SLC6A8: variants seen among roughly 807,000 people sequenced by gnomAD.
SLC6A8 encodes the protein sodium- and chloride-dependent creatine transporter 1.
Under a neutral mutation model 48.3 loss-of-function variants are expected in SLC6A8, and 6 were observed. The observed-to-expected ratio is 0.12, with a 90% CI of 0.07 to 0.25. SLC6A8 has a LOEUF of 0.25. Ranked by LOEUF, SLC6A8 falls within the 10% of genes least tolerant of loss-of-function variation. The pLI is 1.00. For missense variants in SLC6A8, 260 were observed against 551.5 expected, an observed-to-expected ratio of 0.47 and a Z score of 5.29; for synonymous variants, 245 against 244.0, an observed-to-expected ratio of 1.00 and a Z score of -0.04.
intron 2 of SLC6A8, 171 bp from the exon 3 acceptor site, chrX:153,691,133 C>G: frequency 1.9e-6 from 1 of 531,941 alleles, no homozygotes; most frequent in Non-Finnish European, 3.2e-6. Flanking sequence ...GGGGAGTCAG[C>G]GCAGTGTTGG....
In SLC6A8 at chrX:153,694,895, G is replaced by C; in HGVS notation, c.1767+6G>C. 1 of 1,166,172 alleles carries C rather than the reference G, an allele frequency of 8.6e-7. No individual in the cohort carries two copies. The highest frequency in any genetic ancestry group is 1.9e-5 in the South Asian group (1 of 53,265). On this transcript the variant is annotated splice_donor_region_variant and intron_variant, in intron 12 of 12. Coordinates refer to ENST00000253122, the MANE Select transcript of SLC6A8 (RefSeq NM_005629.4). ...CCAAGGGCACCATGGCTGAGGTAAGGCTCCCGCCCGGCCCGCCCTCCCCTC... is the reference window on the plus strand; with the variant it reads ...CCAAGGGCACCATGGCTGAGGTAAGCCTCCCGCCCGGCCCGCCCTCCCCTC...
rs1463935788 is a variant in SLC6A8, at chrX:153,688,719, G to A, written c.145G>A (p.Val49Met). Residue 49 changes from valine to methionine, a missense_variant, in exon 1 of 13, where the codon GTG becomes ATG. Physicochemically the swap from Val to Met is conservative, Grantham distance 21. Transcript: ENST00000253122. ...GLGTPGGRLA[V>M]PPRETWTRQM... ...GGGGACACCCGGCGGCCGCCTGGCC[G>A]TGCCGCCGCGCGAGACCTGGACGCG... 1.8e-6 allele frequency: 2 copies of A among 1,129,586 alleles called. No individual in the cohort carries two copies. The highest frequency in any genetic ancestry group is 2.6e-5 in the Admixed American group (1 of 38,526). 93.1% of individuals were successfully genotyped at this position (1,129,586 alleles called of 1,213,427 possible).
chrX:153,691,735 G>A (rs1230288744), intron 3 of SLC6A8, among the ~76,000 whole-genome samples, 182 bp downstream of exon 3: 1 of 112,984 alleles, frequency 8.9e-6, no homozygotes, highest in Non-Finnish European at 1.9e-5. Context: ...GGGTTCGGCA[G>A]CCGATCACTG....
chrX:153,692,969 A>T (rs1557044905), intron 4 of SLC6A8, 72 bp from the exon 5 acceptor site: 4 of 1,164,673 alleles, frequency 3.4e-6, no homozygotes, highest in Non-Finnish European at 4.7e-6. Context: ...CGCAAGGGGG[A>T]CCGGAGGCGC....
intron 1 of SLC6A8, 164 bp downstream of exon 1, chrX:153,689,000 C>T (rs1245551967): frequency 5.9e-5 from 9 of 152,451 alleles, no homozygotes; most frequent in Non-Finnish European, 9.8e-5. Flanking sequence ...GTGGCCGGGC[C>T]GGGCGCCTCC....
At chrX:153,693,747 G>A (rs1557045199) in intron 7 of SLC6A8, among the ~76,000 whole-genome samples, 158 bp from the exon 8 acceptor site, 1 of 113,364 alleles carries the variant, frequency 8.8e-6, no homozygotes, top group East Asian at 2.8e-4. Context: ...TGTCAATGTT[G>A]ACAGAGAAAG....
rs1394306160 is a variant in SLC6A8, at chrX:153,693,927, C to A, written c.1164C>A (p.Ala388=). ...AESGPGLAFI[A]YPRAVTLMPV... ...CAGGGCCGGGCCTGGCCTTCATCGC[C>A]TACCCGCGGGCTGTCACGCTGATGC... The change falls in exon 8 of 13, where the codon GCC becomes GCA. Residue 388 remains alanine, a synonymous_variant. Transcript: ENST00000253122. 1.0e-5 allele frequency: 12 copies of A among 1,167,112 alleles called. No individual in the cohort carries two copies. The highest frequency in any genetic ancestry group is 1.1e-5 in the Non-Finnish European group (10 of 872,884).
At position 153,688,231 on chromosome X, in the gene SLC6A8, G is replaced by C. The variant is rs2091432530; in HGVS notation, c.-344G>C. 1.0e-5 allele frequency: 1 copy of C among 99,639 alleles called. No individual in the cohort carries two copies. Among genetic ancestry groups the C allele is most frequent in the South Asian group, 3.5e-4 (1 of 2,819 alleles). The allele number at this position is 99,639 out of a possible 1,213,427, so 8.2% of individuals were successfully genotyped here. On this transcript the variant is annotated 5_prime_UTR_variant, in exon 1 of 13. Transcript: ENST00000253122. The stretch of plus-strand genomic sequence containing the variant: ...GCCTCGGGTCGGGCGAGGAGCCGCC[G>C]CAGCCGCCGCCGCCCGAGCCGCGGG...
chrX:153,691,283 G>T (rs1557044400), intron 2 of SLC6A8, 21 bp from the exon 3 acceptor site: 5 of 1,178,946 alleles, frequency 4.2e-6, no homozygotes, highest in Non-Finnish European at 5.7e-6. Context: ...AATCTACATG[G>T]CAAGGACTTC....
Position 153,693,032 on chromosome X carries a change from G to A in SLC6A8, c.778-9G>A. The A allele has an allele frequency of 8.3e-7, 1 of 1,210,514 alleles. No homozygotes were observed. Among genetic ancestry groups the A allele is most frequent in the Non-Finnish European group, 1.1e-6 (1 of 895,052 alleles). On this transcript the variant is annotated splice_polypyrimidine_tract_variant and intron_variant, in intron 4 of 12. Transcript: ENST00000253122. ...GCCACAGCCTCCGCTGAGCAGCCTG[G>A]CCCCCCAGATCGTGTACTTCACTGC...
Position 153,691,502 on chromosome X carries a change from T to G in SLC6A8, c.593T>G (p.Leu198Arg). The G allele has an allele frequency of 1.7e-6, 2 of 1,211,699 alleles. No individual in the cohort carries two copies. Among genetic ancestry groups the G allele is most frequent in the Non-Finnish European group, 2.2e-6 (2 of 895,245 alleles). Residue 198 changes from leucine (L) to arginine (R), a missense_variant, in exon 3 of 13, where the codon CTC becomes CGC. Transcript: ENST00000253122. The stretch of plus-strand genomic sequence containing the variant: ...TGTGCCAATGCCAGCCTGGCCAACC[T>G]CACCTGTGACCAGCTTGCTGACCGC... ...EDCANASLAN[L>R]TCDQLADRRS...
At chrX:153,694,974 C>G (rs2091481289) in intron 12 of SLC6A8, 85 bp downstream of exon 12, 2 of 1,133,698 alleles carry the variant, frequency 1.8e-6, no homozygotes, top group South Asian at 1.9e-5. Flanking sequence ...GTGGCCCCGA[C>G]TAGGGTGGCA....
In SLC6A8 at chrX:153,696,148, G is replaced by C. The variant is rs2091490606; in HGVS notation, c.*934G>C. Reference sequence around the variant, plus strand: ...GTCTGTTGTGTGGATGTGCGTGTGTGGTCCCCAGCCCCAGACTGGATTGGA... The same window carrying C: ...GTCTGTTGTGTGGATGTGCGTGTGTCGTCCCCAGCCCCAGACTGGATTGGA... On this transcript the variant is annotated 3_prime_UTR_variant, in exon 13 of 13. Coordinates refer to ENST00000253122, the MANE Select transcript of SLC6A8 (RefSeq NM_005629.4). The C allele has an allele frequency of 4.2e-6, 1 of 236,515 alleles. No homozygotes were observed. The highest frequency in any genetic ancestry group is 5.7e-5 in the Admixed American group (1 of 17,587). 19.5% of individuals were successfully genotyped at this position (236,515 alleles called of 1,213,427 possible). A position where few individuals can be genotyped will look rare whatever the true frequency, so the allele number is the denominator to read the frequency against.
In SLC6A8 at chrX:153,688,666, C is replaced by A. The variant is rs868950793; in HGVS notation, c.92C>A (p.Pro31Gln). The change falls in exon 1 of 13, where the codon CCG becomes CAG. Residue 31 changes from proline (P) to glutamine (Q), a missense_variant. Physicochemically the swap from Pro to Gln is moderately conservative, Grantham distance 76. Transcript: ENST00000253122. The stretch of plus-strand genomic sequence containing the variant: ...ATCGCGCCCGGGCCCGACGGGGCCC[C>A]GGCCAAGGGCGACGGCCCCGTGGGC... ...PLIAPGPDGAPAKGDGPVGLG... is the reference protein window; with the variant it reads ...PLIAPGPDGAQAKGDGPVGLG... 9.3e-7 allele frequency: 1 copy of A among 1,079,901 alleles called. No homozygotes were observed. Among genetic ancestry groups the A allele is most frequent in the Non-Finnish European group, 1.2e-6 (1 of 828,270 alleles). 89.0% of individuals were successfully genotyped at this position (1,079,901 alleles called of 1,213,427 possible). A position where few individuals can be genotyped will look rare whatever the true frequency, so the allele number is the denominator to read the frequency against.
rs2314070 is a variant in SLC6A8 at position 153,694,841 on chromosome X, G to A, written c.1719G>A (p.Pro573=). 111 of 1,206,758 alleles carry A rather than the reference G, an allele frequency of 9.2e-5. No homozygotes were observed. Among genetic ancestry groups the A allele is most frequent in the Non-Finnish European group, 1.2e-4 (103 of 893,579 alleles). Residue 573 remains proline, a synonymous_variant, in exon 12 of 13, where the codon CCG becomes CCA. Transcript: ENST00000253122. ...AFALSSMLCV[P]LHLLGCLLRA... is the part of the protein sequence containing the mutation. ...CCCTGTCCTCCATGCTGTGCGTGCC[G>A]CTGCACCTCCTGGGCTGCCTCCTCA...
chrX:153,693,101 G>A lies in SLC6A8; in HGVS notation c.838G>A (p.Val280Met). 8.3e-7 allele frequency: 1 copy of A among 1,210,903 alleles called. No individual in the cohort carries two copies. Among genetic ancestry groups the A allele is most frequent in the Non-Finnish European group, 1.1e-6 (1 of 894,955 alleles). Residue 280 changes from valine to methionine, a missense_variant, in exon 5 of 13, where the codon GTG becomes ATG. This residue lies in a region of SLC6A8 where 75 missense variants were observed against 248.8 expected (regional missense o/e 0.30). Transcript: ENST00000253122. ...CCTGGTCGTGCTGCTGGTGCGTGGA[G>A]TGCTGCTGCCTGGCGCCCTGGATGG... ...VVLVVLLVRG[V>M]LLPGALDGII...
chrX:153,693,424 C>G lies in SLC6A8; in HGVS notation c.1017-38C>G, dbSNP rs182709845. 1.9e-3 allele frequency: 2,285 copies of G among 1,208,582 alleles called. 33 individuals are homozygous for G. In the African/African-American group the frequency reaches 0.035, roughly 19 times the overall value. On this transcript the variant is annotated intron_variant, in intron 6 of 12. Transcript: ENST00000253122. Reference sequence around the variant, plus strand: ...TCCTGCCCTGCCCCGCCCTGCCCAGCAGCCTAACCCATCCACTCTGGCCCC... The same window carrying G: ...TCCTGCCCTGCCCCGCCCTGCCCAGGAGCCTAACCCATCCACTCTGGCCCC...
chrX:153,692,814 A>T, intron 4 of SLC6A8: 1 of 490,055 alleles, frequency 2.0e-6, no homozygotes, highest in Non-Finnish European at 3.7e-6. Flanking sequence ...CTCCCCACCG[A>T]CACGCGTCCC....
In SLC6A8 at chrX:153,695,292, G is replaced by A. The variant is rs781930842; in HGVS notation, c.*78G>A. The stretch of plus-strand genomic sequence containing the variant: ...TCAGCCCCACCGCACCCCTCCAGGG[G>A]GCCTGCCTTTCCCTGACACTTTTGG... On this transcript the variant is annotated 3_prime_UTR_variant, in exon 13 of 13. Transcript: ENST00000253122. The A allele has an allele frequency of 2.8e-4, 299 of 1,051,189 alleles. No homozygotes were observed. Among genetic ancestry groups the A allele is most frequent in the Admixed American group, 2.2e-3 (84 of 38,528 alleles). 86.6% of individuals were successfully genotyped at this position (1,051,189 alleles called of 1,213,427 possible).
Sources: gnomAD v4.1 joint callset for allele counts (sites outside exome capture counted in the v4.1 genomes callset) on GRCh38, gnomAD v4.1.1 for gene constraint, gnomAD v4.1.1 regional missense constraint, MANE v1.5 for transcripts, NCBI Gene and HGNC (gene_info 2026-07-23, HGNC 2026-07-21) for gene names.